FAM20A: variants seen among roughly 807,000 people sequenced by gnomAD.
FAM20A encodes pseudokinase FAM20A.
Under a neutral mutation model 52.0 loss-of-function variants are expected in FAM20A, and 42 were observed. The observed-to-expected ratio is 0.81, with a 90% CI of 0.63 to 1.04. FAM20A has a LOEUF of 1.04. Among genes scored for constraint, FAM20A ranks in the 50% least tolerant of loss-of-function variants. The pLI, the probability that FAM20A is intolerant of heterozygous loss-of-function variation, is 0.00. For synonymous variants in FAM20A, 304 were observed against 298.9 expected (o/e 1.02, Z -0.18); for missense variants, 742 against 712.7 (o/e 1.04, Z -0.47).
At chr17:68,562,674 C>CA (rs1316757474) in intron 1 of FAM20A, among the ~76,000 whole-genome samples, 1 of 149,596 alleles carries the variant, frequency 6.7e-6, no homozygotes, top group Middle Eastern at 3.4e-3. Context: ...CCAGACCTGG[C>CA]AAAAAAAATA....
intron 1 of FAM20A, among the ~76,000 whole-genome samples, chr17:68,567,829 T>C (rs1232798754): frequency 1.3e-5 from 2 of 151,824 alleles, no homozygotes; most frequent in East Asian, 3.9e-4. Context: ...TGATAGTGAG[T>C]GAGTTCTCAA....
intron 1 of FAM20A, among the ~76,000 whole-genome samples, chr17:68,557,236 A>G (rs1156710251): frequency 1.3e-5 from 2 of 152,178 alleles, no homozygotes; most frequent in African/African-American, 4.8e-5. Context: ...CAAAATAAAA[A>G]TAGATGTATT....
Position 68,543,616 on chromosome 17 carries a change from G to T in FAM20A, c.812+13C>A, listed in dbSNP as rs2086412329. 1 of 1,613,286 alleles carries T rather than the reference G, an allele frequency of 6.2e-7. No individual in the cohort carries two copies. Among genetic ancestry groups the T allele is most frequent in the Non-Finnish European group, 8.5e-7 (1 of 1,179,320 alleles). ...CTTATAGGCAATGCCATCTCCATGG[G>T]GCCAGACCCTACCTGTCCAGATGGA... On this transcript the variant is annotated intron_variant, in intron 5 of 10. Coordinates refer to ENST00000592554, the MANE Select transcript of FAM20A (RefSeq NM_017565.4).
rs2088584528 is a variant in FAM20A, at chr17:68,600,381, A to G, written c.286T>C (p.Phe96Leu). Residue 96 changes from phenylalanine (F) to leucine (L), a missense_variant, in exon 1 of 11, where the codon TTC (phenylalanine) becomes CTC (leucine). Transcript: ENST00000592554. This position sits in a 1 kb window ranked among gnomAD's most constrained non-coding sequence, Gnocchi z 6.2. ...GGGACGTTGTACAGCGGGTGGGCGA[A>G]GAGGGCCTGCAACTTGGAGCTCGAC... The part of the protein sequence containing the change: ...SGSSSKLQAL[F>L]AHPLYNVPEE... 1 of 1,607,458 alleles carries G rather than the reference A, an allele frequency of 6.2e-7. No homozygotes were observed. Among genetic ancestry groups the G allele is most frequent in the Non-Finnish European group, 8.5e-7 (1 of 1,177,808 alleles).
At chr17:68,596,217 A>C (rs1337651527) in intron 1 of FAM20A, among the ~76,000 whole-genome samples, 1 of 152,112 alleles carries the variant, frequency 6.6e-6, no homozygotes, top group African/African-American at 2.4e-5. Flanking sequence ...ACACACACAC[A>C]CACACCCCTA....
In FAM20A at chr17:68,556,580, G is replaced by C. The variant is rs2907378; in HGVS notation, c.405-837C>G. 6.7e-3 allele frequency among the ~76,000 whole-genome samples: 1,012 copies of C among 152,030 alleles called. 10 individuals are homozygous for C. The highest frequency in any genetic ancestry group is 0.023 in the African/African-American group (943 of 41,418). On this transcript the variant is annotated intron_variant, in intron 1 of 10. Coordinates refer to ENST00000592554, the MANE Select transcript of FAM20A (RefSeq NM_017565.4). ...GGATCCTAAAGAACGGGGCAGGGAGGGGGGGTGGTTTGGCTTGAAGGGGAC... is the reference window on the plus strand; with the variant it reads ...GGATCCTAAAGAACGGGGCAGGGAGCGGGGGTGGTTTGGCTTGAAGGGGAC...
chr17:68,542,627 T>C, intron 6 of FAM20A, 67 bp downstream of exon 6: 2 of 1,208,088 alleles, frequency 1.7e-6, no homozygotes, highest in East Asian at 2.3e-5. Flanking sequence ...CACTGATGAA[T>C]GGAGGGGTGG....
At chr17:68,568,821 C>T (rs1490602941) in intron 1 of FAM20A, among the ~76,000 whole-genome samples, 1 of 151,258 alleles carries the variant, frequency 6.6e-6, no homozygotes, top group Non-Finnish European at 1.5e-5. Context: ...AGATTCTTAA[C>T]TTAATCATAT....
Position 68,535,275 on chromosome 17 carries a change from A to G in FAM20A, c.*2202T>C. ...AAAAGTAATGGAAGGTTGAAAGATA[A>G]GTGAATAATAAGGTAGGTGTACCAC... is the stretch of plus-strand genomic sequence containing the variant. On this transcript the variant is annotated 3_prime_UTR_variant, in exon 11 of 11. Coordinates refer to ENST00000592554, the MANE Select transcript of FAM20A (RefSeq NM_017565.4). 2.2e-6 allele frequency: 1 copy of G among 454,048 alleles called. No individual in the cohort carries two copies. Among genetic ancestry groups the G allele is most frequent in the Non-Finnish European group, 4.4e-6 (1 of 226,742 alleles). 28.1% of individuals were successfully genotyped at this position (454,048 alleles called of 1,614,324 possible).
chr17:68,585,364 C>G (rs1171205890), intron 1 of FAM20A, among the ~76,000 whole-genome samples: 3 of 151,946 alleles, frequency 2.0e-5, no homozygotes, highest in South Asian at 2.1e-4. Flanking sequence ...TCCCACACTT[C>G]CGAGTCTTCA....
Position 68,535,517 on chromosome 17 carries a change from G to A in FAM20A, c.*1960C>T. 1 of 454,028 alleles carries A rather than the reference G, an allele frequency of 2.2e-6. No homozygotes were observed. The highest frequency in any genetic ancestry group is 4.4e-6 in the Non-Finnish European group (1 of 226,782). The allele number at this position is 454,028 out of a possible 1,614,324, so 28.1% of individuals were successfully genotyped here. Reference sequence around the variant, plus strand: ...CAGATATTTTCCCATTTCTGTGTGTGATCTCCTGGTTCTTCATCCACAGGG... The same window carrying A: ...CAGATATTTTCCCATTTCTGTGTGTAATCTCCTGGTTCTTCATCCACAGGG... On this transcript the variant is annotated 3_prime_UTR_variant, in exon 11 of 11. Coordinates refer to ENST00000592554, the MANE Select transcript of FAM20A (RefSeq NM_017565.4).
At chr17:68,539,797 G>T in intron 9 of FAM20A, 88 bp downstream of exon 9, 2 of 1,266,108 alleles carry the variant, frequency 1.6e-6, no homozygotes, top group Non-Finnish European at 2.3e-6. Flanking sequence ...GCCCTCATTT[G>T]CAGGGCGTCT....
intron 1 of FAM20A, among the ~76,000 whole-genome samples, chr17:68,590,725 G>C (rs1174057346): frequency 6.6e-6 from 1 of 152,160 alleles, no homozygotes; most frequent in African/African-American, 2.4e-5. Context: ...AAACTTTCTG[G>C]TACCATGTTA....
rs1377925682 is a variant in FAM20A at position 68,536,763 on chromosome 17, TTC to T, written c.*712_*713del. On this transcript the variant is annotated 3_prime_UTR_variant, in exon 11 of 11. Coordinates refer to ENST00000592554, the MANE Select transcript of FAM20A (RefSeq NM_017565.4). Reference sequence around the variant, plus strand: ...TTTTTTCCTTCGTTGTAATTATTTATTCTGTTACTGGCTGCTTAGTGTGACAT... The same window carrying T: ...TTTTTTCCTTCGTTGTAATTATTTATTGTTACTGGCTGCTTAGTGTGACAT... The T allele has an allele frequency of 2.2e-6, 1 of 454,138 alleles. No individual in the cohort carries two copies. The highest frequency in any genetic ancestry group is 4.4e-6 in the Non-Finnish European group (1 of 226,786). 28.1% of individuals were successfully genotyped at this position (454,138 alleles called of 1,614,324 possible).
intron 1 of FAM20A, among the ~76,000 whole-genome samples, chr17:68,563,985 A>C (rs2087299422): frequency 6.6e-6 from 1 of 152,232 alleles, no homozygotes; most frequent in South Asian, 2.1e-4. Context: ...TGAGAGGGTC[A>C]CAGAATGCAC....
At chr17:68,563,258 C>T (rs2087269979) in intron 1 of FAM20A, among the ~76,000 whole-genome samples, 1 of 151,792 alleles carries the variant, frequency 6.6e-6, no homozygotes, top group Non-Finnish European at 1.5e-5. Flanking sequence ...TGGTGGCAGG[C>T]GCCTGTAATC....
chr17:68,591,765 C>G (rs2088317860), intron 1 of FAM20A: 1 of 152,236 alleles, frequency 6.6e-6, no homozygotes, highest in African/African-American at 2.4e-5. Flanking sequence ...TCGGGAAGGT[C>G]ACCCCGTTTG....
rs76440969 is a variant in FAM20A, at chr17:68,540,153, G to T, written c.1220-187C>A. Among the ~76,000 whole-genome samples the T allele has an allele frequency of 0.018, 2,744 of 152,250 alleles. 87 individuals carry two copies. The highest frequency in any genetic ancestry group is 0.061 in the African/African-American group (2,514 of 41,550). ...GCAGCCGCAGGAGGGAGAAGGAAGC[G>T]AAACAAGCAAACCCTAAATGGACTG... On this transcript the variant is annotated intron_variant, in intron 8 of 10. Coordinates refer to ENST00000592554, the MANE Select transcript of FAM20A (RefSeq NM_017565.4).
At chr17:68,541,527 T>C (rs1356109904) in intron 7 of FAM20A, 1 of 189,502 alleles carries the variant, frequency 5.3e-6, no homozygotes, top group Non-Finnish European at 1.1e-5. Context: ...TCAGCTAGTG[T>C]GGAGTACCTG....
Sources: gnomAD v4.1 joint callset for allele counts (sites outside exome capture counted in the v4.1 genomes callset) on GRCh38, gnomAD v4.1.1 for gene constraint, Gnocchi (gnomAD v3.1) non-coding constraint, MANE v1.5 for transcripts, NCBI Gene and HGNC (gene_info 2026-07-23, HGNC 2026-07-21) for gene names.